Variants in RABGEF1 observed in about 807,000 individuals in gnomAD.
RABGEF1 encodes the protein RAB guanine nucleotide exchange factor 1, also known as rab5 GDP/GTP exchange factor.
A neutral mutation model predicts 57.3 loss-of-function variants in RABGEF1; 26 were observed. The ratio of observed to expected loss-of-function variants is 0.45; its 90% CI spans 0.33 to 0.63. The LOEUF is 0.63. RABGEF1 is among the 20% of genes least tolerant of loss of function. RABGEF1 has a pLI of 0.02. For missense variants in RABGEF1, 464 were observed against 607.6 expected (o/e 0.76, Z 2.48); for synonymous variants, 185 against 210.7 (o/e 0.88, Z 1.06).
intron 5 of RABGEF1, 45 bp from the exon 6 acceptor site, chr7:66,797,328 GA>G (rs756583259): frequency 2.2e-6 from 3 of 1,379,354 alleles, no homozygotes; most frequent in African/African-American, 1.5e-5. Flanking sequence ...AAAAGAGAGA[GA>G]AAAAATATAT....
chr7:66,699,061 C>A (rs558774822), intron 1 of RABGEF1, among the ~76,000 whole-genome samples: 3 of 152,258 alleles, frequency 2.0e-5, no homozygotes, highest in Non-Finnish European at 4.4e-5. Flanking sequence ...CATGGAGGAG[C>A]GGGGAGATAT....
chr7:66,709,784 G>T (rs528521213), intron 1 of RABGEF1, among the ~76,000 whole-genome samples: 13 of 152,016 alleles, frequency 8.6e-5, no homozygotes, highest in Admixed American at 6.5e-4. Flanking sequence ...TCAAAGAAAA[G>T]AAAAAAGAAA....
intron 7 of RABGEF1, 94 bp downstream of exon 7, chr7:66,799,508 T>C (rs1345154880): frequency 9.8e-6 from 10 of 1,022,350 alleles, no homozygotes; most frequent in Non-Finnish European, 1.5e-5. Flanking sequence ...AAAATGCAGA[T>C]TGTCGAAGGT....
chr7:66,745,486 G>C (rs559256381), intron 1 of RABGEF1, among the ~76,000 whole-genome samples: 1 of 152,158 alleles, frequency 6.6e-6, no homozygotes, highest in Non-Finnish European at 1.5e-5. Context: ...CACACCATAG[G>C]CTGGGTGCGG....
chr7:66,715,251 C>CCGAGTAGCTGGGACTACAGGTA (rs1208272471), intron 2 of RABGEF1, among the ~76,000 whole-genome samples: 1 of 152,100 alleles, frequency 6.6e-6, no homozygotes, highest in African/African-American at 2.4e-5. Context: ...CTTTAGTCTC[C>CCGAGTAGCTGGGACTACAGGTA]CGAGTAGCTG....
intron 2 of RABGEF1, among the ~76,000 whole-genome samples, chr7:66,717,002 C>T (rs1310580444): frequency 1.3e-5 from 2 of 152,232 alleles, no homozygotes; most frequent in African/African-American, 4.8e-5. Flanking sequence ...TAGTCTCAAA[C>T]TCCTGGCCTC....
upstream of RABGEF1, among the ~76,000 whole-genome samples, chr7:66,681,429 C>T (rs534063707): frequency 2.8e-5 from 4 of 143,718 alleles, no homozygotes; most frequent in East Asian, 2.1e-4. Flanking sequence ...GACAGGGTCT[C>T]GCTCTGCTCT....
chr7:66,715,849 G>A, intron 2 of RABGEF1, among the ~76,000 whole-genome samples: 1 of 152,230 alleles, frequency 6.6e-6, no homozygotes, highest in African/African-American at 2.4e-5. Flanking sequence ...CAACTCCTGG[G>A]TTCAGGTGCT....
chr7:66,796,904 T>A, intron 5 of RABGEF1: 1 of 448,132 alleles, frequency 2.2e-6, no homozygotes, highest in Non-Finnish European at 4.4e-6. Context: ...TAAGTTTTTT[T>A]TTTAAGCGTA....
chr7:66,718,159 A>G (rs1256165543), intron 2 of RABGEF1, among the ~76,000 whole-genome samples: 7 of 152,286 alleles, frequency 4.6e-5, no homozygotes, highest in Middle Eastern at 3.4e-3. Flanking sequence ...CCTGGCCAAC[A>G]TGGTGAAACC....
intron 1 of RABGEF1, among the ~76,000 whole-genome samples, chr7:66,744,786 C>T (rs1312759444): frequency 3.9e-5 from 6 of 152,056 alleles, no homozygotes; most frequent in African/African-American, 1.4e-4. Context: ...ATTCATTTCT[C>T]TCTTTGCTTT....
At chr7:66,684,452 A>G (rs1227039183) in intron 1 of RABGEF1, among the ~76,000 whole-genome samples, 3 of 152,122 alleles carry the variant, frequency 2.0e-5, no homozygotes, top group Non-Finnish European at 2.9e-5. Context: ...CAAACAAAAC[A>G]AAACAAAACA....
chr7:66,668,558 G>T, the RABGEF1 span, among the ~76,000 whole-genome samples: 1 of 152,194 alleles, frequency 6.6e-6, no homozygotes, highest in African/African-American at 2.4e-5. Context: ...GGGGGGGATT[G>T]GCATAGGAAG....
chr7:66,661,724 T>C, the RABGEF1 span, among the ~76,000 whole-genome samples: 9 of 152,242 alleles, frequency 5.9e-5, no homozygotes, highest in African/African-American at 2.2e-4. Flanking sequence ...CTTTGCAAAC[T>C]CTTTCAAAAA....
intron 1 of RABGEF1, among the ~76,000 whole-genome samples, chr7:66,757,366 C>G (rs1382535396): frequency 6.6e-6 from 1 of 152,098 alleles, no homozygotes; most frequent in Non-Finnish European, 1.5e-5. Context: ...TTAAAGTTAG[C>G]CATTTTAAAG....
intron 4 of RABGEF1, among the ~76,000 whole-genome samples, chr7:66,789,415 G>A (rs1812032914): frequency 6.6e-6 from 1 of 152,180 alleles, no homozygotes; most frequent in Non-Finnish European, 1.5e-5. Context: ...GGGTGCGGTG[G>A]CTTACGCCTG....
At chr7:66,740,231 C>T (rs1798601408), upstream of RABGEF1, 1 of 152,804 alleles carries the variant, frequency 6.5e-6, no homozygotes, top group Non-Finnish European at 1.5e-5. Flanking sequence ...CCTGGGCCTC[C>T]TAAAGATTCA....
chr7:66,657,122 G>C, the RABGEF1 span, among the ~76,000 whole-genome samples: 1 of 152,200 alleles, frequency 6.6e-6, no homozygotes, highest in South Asian at 2.1e-4. Flanking sequence ...GAGAGCACTT[G>C]AACAACATGA....
At chr7:66,751,454 A>G (rs1801402989) in intron 1 of RABGEF1, among the ~76,000 whole-genome samples, 1 of 152,194 alleles carries the variant, frequency 6.6e-6, no homozygotes, top group Non-Finnish European at 1.5e-5. Context: ...TAGTTATCTG[A>G]ATGTGAGACA....
Sources: allele counts gnomAD v4.1 joint callset (sites outside exome capture counted in the v4.1 genomes callset), GRCh38; gene constraint gnomAD v4.1.1; transcripts MANE v1.5; gene names NCBI Gene and HGNC (gene_info 2026-07-23, HGNC 2026-07-21).